Variants in SUCLG2 observed in about 807,000 individuals in gnomAD.
The protein encoded by SUCLG2 is succinate-CoA ligase GDP-forming subunit beta.
In SUCLG2, 42 loss-of-function variants were observed where a neutral mutation model predicts 47.9. That is an observed-to-expected ratio of 0.88 (90% CI 0.69 to 1.14). SUCLG2 has a LOEUF of 1.14. Among genes scored for constraint, SUCLG2 ranks in the 50% most tolerant of loss-of-function variants. The pLI is 0.00. For missense variants in SUCLG2, 571 were observed against 525.9 expected (o/e 1.09, Z -0.84); for synonymous variants, 195 against 197.3 (o/e 0.99, Z 0.10).
chr3:67,462,834 T>C (rs1704372146), intron 9 of SUCLG2, among the ~76,000 whole-genome samples: 2 of 152,178 alleles, frequency 1.3e-5, no homozygotes, highest in Non-Finnish European at 2.9e-5. Context: ...GCCCTCAACC[T>C]GTGGGATCTG....
At chr3:67,388,229 G>A (rs544293208) in intron 10 of SUCLG2, among the ~76,000 whole-genome samples, 1 of 152,284 alleles carries the variant, frequency 6.6e-6, no homozygotes, top group East Asian at 1.9e-4. Flanking sequence ...TATACATAGT[G>A]ACCCTTCTTA....
intron 9 of SUCLG2, chr3:67,409,181 C>T (rs1424742853): frequency 1.9e-5 from 16 of 857,536 alleles, no homozygotes; most frequent in Non-Finnish European, 2.8e-5. Flanking sequence ...TTAGATGGGG[C>T]TGGGGAGGGG....
At position 67,375,798 on chromosome 3, in the gene SUCLG2, G is replaced by T; in HGVS notation, c.1245C>A (p.Ala415=). ...TCTTGGCTGCATCCTCCAGGTCAATGGCTGAAGTAATGGGGAGTCCGCTGT... is the reference window on the plus strand; with the variant it reads ...TCTTGGCTGCATCCTCCAGGTCAATTGCTGAAGTAATGGGGAGTCCGCTGT... The part of the protein sequence containing the change: ...LNNSGLPITS[A]IDLEDAAKKA... Residue 415 remains alanine (A), a synonymous_variant, in exon 11 of 11, where the codon GCC becomes GCA. Transcript: ENST00000307227. 1 of 1,613,974 alleles carries T rather than the reference G, an allele frequency of 6.2e-7. No individual in the cohort carries two copies. The highest frequency in any genetic ancestry group is 8.5e-7 in the Non-Finnish European group (1 of 1,179,940).
intron 7 of SUCLG2, among the ~76,000 whole-genome samples, chr3:67,500,288 T>C (rs554604686): frequency 5.3e-5 from 8 of 152,282 alleles, no homozygotes; most frequent in African/African-American, 1.9e-4. Context: ...TCCAAGGGTT[T>C]CCCTACCACA....
At chr3:67,650,523 GA>G (rs1289690413) in intron 1 of SUCLG2, among the ~76,000 whole-genome samples, 1 of 152,200 alleles carries the variant, frequency 6.6e-6, no homozygotes, top group Non-Finnish European at 1.5e-5. Context: ...TTGGGAGGCT[GA>G]AGGGGGCAGA....
chr3:67,602,944 A>C (rs1484048388), intron 2 of SUCLG2, among the ~76,000 whole-genome samples: 2 of 152,162 alleles, frequency 1.3e-5, no homozygotes, highest in African/African-American at 4.8e-5. Context: ...ATCAGACTTA[A>C]AAAATGGGAA....
chr3:67,373,158 T>C (rs1701975856), downstream of SUCLG2, among the ~76,000 whole-genome samples: 1 of 152,078 alleles, frequency 6.6e-6, no homozygotes, highest in African/African-American at 2.4e-5. Flanking sequence ...CTACAAATGA[T>C]CACAATCAAA....
chr3:67,484,175 G>A (rs1023756060), intron 9 of SUCLG2, among the ~76,000 whole-genome samples: 2 of 152,148 alleles, frequency 1.3e-5, no homozygotes, highest in Non-Finnish European at 2.9e-5. Context: ...GCTGCTGGAT[G>A]GAACCTCATC....
intron 1 of SUCLG2, among the ~76,000 whole-genome samples, chr3:67,645,555 T>C (rs1361459708): frequency 6.6e-6 from 1 of 152,196 alleles, no homozygotes; most frequent in East Asian, 1.9e-4. Context: ...CGTATATTTT[T>C]TTCCATGGTA....
At chr3:67,556,935 G>T (rs145558682) in intron 2 of SUCLG2, among the ~76,000 whole-genome samples, 1 of 152,178 alleles carries the variant, frequency 6.6e-6, no homozygotes, top group Non-Finnish European at 1.5e-5. Flanking sequence ...AGGCAACATG[G>T]GGAGTATGAG....
chr3:67,523,033 C>T (rs1019465003), intron 4 of SUCLG2, among the ~76,000 whole-genome samples: 1 of 152,050 alleles, frequency 6.6e-6, no homozygotes, highest in Non-Finnish European at 1.5e-5. Context: ...CGTGATTCGC[C>T]CACCTCCGCC....
chr3:67,467,060 G>A (rs9862781), intron 9 of SUCLG2, among the ~76,000 whole-genome samples: 7,278 of 152,166 alleles, frequency 0.048, 261 homozygotes, highest in African/African-American at 0.09. Context: ...ATTGAGAATC[G>A]GAACTTCCAC....
At chr3:67,391,497 C>G (rs1559508060) in intron 10 of SUCLG2, among the ~76,000 whole-genome samples, 5 of 152,072 alleles carry the variant, frequency 3.3e-5, no homozygotes, top group Admixed American at 2.0e-4. Context: ...CAGCTGTGTC[C>G]CATATGCTTC....
At chr3:67,456,427 C>A (rs904512781) in intron 9 of SUCLG2, among the ~76,000 whole-genome samples, 2 of 152,086 alleles carry the variant, frequency 1.3e-5, no homozygotes, top group Admixed American at 6.6e-5. Flanking sequence ...CTATTCAATC[C>A]CGGTATAAGC....
At chr3:67,365,310 C>T (rs1001536974) in intron 10 of SUCLG2, among the ~76,000 whole-genome samples, 1 of 152,126 alleles carries the variant, frequency 6.6e-6, no homozygotes, top group African/African-American at 2.4e-5. Flanking sequence ...CTGAACGAAA[C>T]TCACGATTTT....
At chr3:67,374,174 A>C (rs187329814), downstream of SUCLG2, among the ~76,000 whole-genome samples, 20 of 152,336 alleles carry the variant, frequency 1.3e-4, no homozygotes, top group Admixed American at 1.2e-3. Context: ...ACAACTAAGA[A>C]GACATTGTTA....
intron 10 of SUCLG2, among the ~76,000 whole-genome samples, chr3:67,379,488 T>C (rs1575657087): frequency 6.6e-6 from 1 of 152,362 alleles, no homozygotes; most frequent in South Asian, 2.1e-4. Flanking sequence ...TGCATGTGTA[T>C]GGATGAAATG....
chr3:67,405,842 G>A (rs1252879282), intron 9 of SUCLG2, among the ~76,000 whole-genome samples: 1 of 152,140 alleles, frequency 6.6e-6, no homozygotes, highest in Non-Finnish European at 1.5e-5. Flanking sequence ...GCATTTAGCA[G>A]GTTGTACTCA....
chr3:67,556,089 T>G (rs377341428), intron 2 of SUCLG2, among the ~76,000 whole-genome samples: 3 of 152,188 alleles, frequency 2.0e-5, no homozygotes, highest in African/African-American at 7.2e-5. Context: ...AGACCTGACT[T>G]TTTTTTAAAA....
Sources: allele counts gnomAD v4.1 joint callset (sites outside exome capture counted in the v4.1 genomes callset), GRCh38; gene constraint gnomAD v4.1.1; transcripts MANE v1.5; gene names NCBI Gene and HGNC (gene_info 2026-07-23, HGNC 2026-07-21).